The following SYT10 variants were observed in gnomAD, a reference collection of about 807,000 sequenced individuals.
SYT10 encodes synaptotagmin-10.
In SYT10, 31 loss-of-function variants were observed where a neutral mutation model predicts 51.1. That is an observed-to-expected ratio of 0.61 (90% CI 0.46 to 0.82). The LOEUF (loss-of-function observed/expected upper bound fraction) is 0.82. Among genes scored for constraint, SYT10 ranks in the 40% least tolerant of loss-of-function variants. The pLI is 0.00. For synonymous variants in SYT10, 233 were observed against 225.9 expected (o/e 1.03, Z -0.28); for missense variants, 603 against 634.0 (o/e 0.95, Z 0.53).
At chr12:33,379,394 T>TA (rs1866093426) in intron 6 of SYT10, among the ~76,000 whole-genome samples, 1 of 151,804 alleles carries the variant, frequency 6.6e-6, no homozygotes. Context: ...GCAGAAAAGT[T>TA]ATATTAGGTG....
At chr12:33,427,497 T>A (rs1310679248) in intron 1 of SYT10, among the ~76,000 whole-genome samples, 1 of 152,108 alleles carries the variant, frequency 6.6e-6, no homozygotes. Context: ...ATAATTACAG[T>A]GTTGTAGCTC....
chr12:33,411,314 C>G (rs1361206733), intron 2 of SYT10, among the ~76,000 whole-genome samples: 1 of 151,970 alleles, frequency 6.6e-6, no homozygotes, highest in African/African-American at 2.4e-5. Context: ...ACTAAGATCT[C>G]AAGTTTATTT....
chr12:33,391,360 C>A (rs932943831), intron 3 of SYT10, among the ~76,000 whole-genome samples: 1 of 151,724 alleles, frequency 6.6e-6, no homozygotes, highest in African/African-American at 2.4e-5. Context: ...TCTAGGAGGG[C>A]ATTAGAGGTG....
chr12:33,437,656 T>C (rs1943339774), intron 1 of SYT10, among the ~76,000 whole-genome samples: 1 of 152,144 alleles, frequency 6.6e-6, no homozygotes, highest in Admixed American at 6.5e-5. Context: ...CAAAGCACAA[T>C]CTTCAAACTT....
Position 33,376,536 on chromosome 12 carries a change from A to G in SYT10, c.*294T>C. ...TTTTAGGTAAGTATGAACTGTTTAA[A>G]AAAACATTTCATATGCAAAGAATTA... On this transcript the variant is annotated 3_prime_UTR_variant, in exon 7 of 7. Transcript: ENST00000228567. 2.6e-6 allele frequency: 1 copy of G among 384,494 alleles called. No homozygotes were observed. The highest frequency in any genetic ancestry group is 4.0e-5 in the South Asian group (1 of 24,998). 23.8% of individuals were successfully genotyped at this position (384,494 alleles called of 1,614,324 possible).
Position 33,439,777 on chromosome 12 carries a change from G to T in SYT10, c.-255C>A. 2.0e-6 allele frequency: 1 copy of T among 492,110 alleles called. No homozygotes were observed. Among genetic ancestry groups the T allele is most frequent in the Non-Finnish European group, 3.6e-6 (1 of 277,754 alleles). The allele number at this position is 492,110 out of a possible 1,614,324, so 30.5% of individuals were successfully genotyped here. ...GTTTGCGCCAACTCTCCCGCCGCGC[G>T]AGCGAGCCGAGGCGCGCTGGAACTA... On this transcript the variant is annotated 5_prime_UTR_variant, in exon 1 of 7. Transcript: ENST00000228567.
At chr12:33,396,709 G>T (rs1477294166) in intron 3 of SYT10, among the ~76,000 whole-genome samples, 1 of 150,054 alleles carries the variant, frequency 6.7e-6, no homozygotes, top group Non-Finnish European at 1.5e-5. Context: ...TTTTGAGATG[G>T]AGTCTCGCTC....
At position 33,426,349 on chromosome 12, in the gene SYT10, T is replaced by C; in HGVS notation, c.298A>G (p.Ile100Val). 6.2e-7 allele frequency: 1 copy of C among 1,614,146 alleles called. No homozygotes were observed. Among genetic ancestry groups the C allele is most frequent in the Non-Finnish European group, 8.5e-7 (1 of 1,180,026 alleles). ...AAAACTTCAGTAGGAGCACTTGAAA[T>C]GCTCTGTGGAAGCGTAGTGATGTTG... ...TSNITTLPQS[I>V]SSAPTEVFET... is the part of the protein sequence containing the mutation. Residue 100 changes from isoleucine (I) to valine (V), a missense_variant, in exon 2 of 7, where the codon ATT becomes GTT. Physicochemically the swap from Ile to Val is conservative, Grantham distance 29. Coordinates refer to ENST00000228567, the MANE Select transcript of SYT10 (RefSeq NM_198992.4).
At chr12:33,406,667 G>T in intron 3 of SYT10, 122 bp downstream of exon 3, 5 of 811,692 alleles carry the variant, frequency 6.2e-6, no homozygotes, top group South Asian at 2.1e-5. Context: ...TTCTACCTTT[G>T]CAGGATCTTA....
intron 3 of SYT10, among the ~76,000 whole-genome samples, chr12:33,394,980 C>A (rs1866242228): frequency 6.6e-6 from 1 of 152,046 alleles, no homozygotes; most frequent in South Asian, 2.1e-4. Context: ...CCCAGGTACT[C>A]GGGAGGCTGA....
rs1212384056 is a variant in SYT10 at position 33,375,370 on chromosome 12, T to G, written c.*1460A>C. The G allele has an allele frequency of 6.6e-6, 1 of 152,120 alleles. No homozygotes were observed. The highest frequency in any genetic ancestry group is 2.4e-5 in the African/African-American group (1 of 41,468). 9.4% of individuals were successfully genotyped at this position (152,120 alleles called of 1,614,324 possible). A position where few individuals can be genotyped will look rare whatever the true frequency, so the allele number is the denominator to read the frequency against. On this transcript the variant is annotated 3_prime_UTR_variant, in exon 7 of 7. Transcript: ENST00000228567. ...ACAAAAATAAAAATTTCATAACCGC[T>G]GATAAAATTTTCTCATCCAGGTAAA...
chr12:33,418,712 T>A (rs1465191943), intron 2 of SYT10, among the ~76,000 whole-genome samples: 1 of 152,134 alleles, frequency 6.6e-6, no homozygotes, highest in Non-Finnish European at 1.5e-5. Context: ...TCTTACACCC[T>A]CAAAATATAT....
chr12:33,427,688 G>T (rs1565499753), intron 1 of SYT10, among the ~76,000 whole-genome samples: 1 of 152,152 alleles, frequency 6.6e-6, no homozygotes, highest in East Asian at 1.9e-4. Context: ...ATCATTAATA[G>T]TATTAAAAAT....
intron 1 of SYT10, chr12:33,432,479 A>T (rs192478811): frequency 6.6e-6 from 1 of 152,258 alleles, no homozygotes; most frequent in Admixed American, 6.5e-5. Context: ...TGCTTGGCAC[A>T]GTGGCTTTCA....
At chr12:33,439,130 G>C (rs1866662008) in intron 1 of SYT10, among the ~76,000 whole-genome samples, 1 of 152,254 alleles carries the variant, frequency 6.6e-6, no homozygotes, top group Admixed American at 6.5e-5. Flanking sequence ...AGACGGCGCC[G>C]GGAGGCGGGA....
intron 5 of SYT10, among the ~76,000 whole-genome samples, chr12:33,380,836 C>T (rs1269337425): frequency 3.9e-5 from 6 of 152,160 alleles, no homozygotes; most frequent in African/African-American, 1.4e-4. Context: ...AATGGAATGT[C>T]ATTGAAAGGA....
rs1192665224 is a variant in SYT10, at chr12:33,376,782, G to A, written c.*48C>T. ...CCTTCCACTTTTTTTCTGATTCAAT[G>A]AGCACGTGATCCTAGATGCTTAATA... On this transcript the variant is annotated 3_prime_UTR_variant, in exon 7 of 7. Coordinates refer to ENST00000228567, the MANE Select transcript of SYT10 (RefSeq NM_198992.4). 6.2e-7 allele frequency: 1 copy of A among 1,603,526 alleles called. No individual in the cohort carries two copies. Among genetic ancestry groups the A allele is most frequent in the Non-Finnish European group, 8.5e-7 (1 of 1,171,672 alleles).
chr12:33,429,493 T>C (rs946065734), intron 1 of SYT10, among the ~76,000 whole-genome samples: 1 of 152,224 alleles, frequency 6.6e-6, no homozygotes, highest in Non-Finnish European at 1.5e-5. Flanking sequence ...AAAGTGATAC[T>C]AGTCTGCCTG....
In SYT10 at chr12:33,415,972, T is replaced by C. The variant is rs116289885; in HGVS notation, c.510-8616A>G. ...TCTTCCCCAAGGACATCATTTCGTA[T>C]GTGTTCCTCTCACATGGTGGCTGTT... On this transcript the variant is annotated intron_variant, in intron 2 of 6. Coordinates refer to ENST00000228567, the MANE Select transcript of SYT10 (RefSeq NM_198992.4). Among the ~76,000 whole-genome samples the C allele has an allele frequency of 6.9e-3, 1,047 of 152,336 alleles. 8 individuals are homozygous for C. Among genetic ancestry groups the C allele is most frequent in the African/African-American group, 0.024 (989 of 41,570 alleles).
Sources: gnomAD v4.1 joint callset for allele counts (sites outside exome capture counted in the v4.1 genomes callset) on GRCh38, gnomAD v4.1.1 for gene constraint, MANE v1.5 for transcripts, NCBI Gene and HGNC (gene_info 2026-07-23, HGNC 2026-07-21) for gene names.